STIM2: variants seen among roughly 807,000 people sequenced by gnomAD.
STIM2 encodes stromal interaction molecule 2.
In STIM2, 31 loss-of-function variants were observed where a neutral mutation model predicts 85.8. The ratio of observed to expected loss-of-function variants is 0.36; its 90% CI spans 0.27 to 0.49. The LOEUF (loss-of-function observed/expected upper bound fraction) is 0.49. Among genes scored for constraint, STIM2 ranks in the 20% least tolerant of loss-of-function variants. STIM2 has a pLI of 0.98. For missense variants in STIM2, 841 were observed against 927.6 expected, an observed-to-expected ratio of 0.91 and a Z score of 1.21; for synonymous variants, 356 against 331.1, an observed-to-expected ratio of 1.08 and a Z score of -0.82.
At chr4:26,933,353 G>A (rs1029394733) in intron 2 of STIM2, among the ~76,000 whole-genome samples, 8 of 152,146 alleles carry the variant, frequency 5.3e-5, no homozygotes, top group Non-Finnish European at 1.5e-5. Flanking sequence ...AGATATAGAA[G>A]TGAGTCTTCT....
At chr4:27,019,769 G>A (rs1259617198) in intron 11 of STIM2, among the ~76,000 whole-genome samples, 1 of 151,482 alleles carries the variant, frequency 6.6e-6, no homozygotes, top group Non-Finnish European at 1.5e-5. Flanking sequence ...CTCATTTTGA[G>A]TTTTCTTACA....
intron 11 of STIM2, chr4:27,021,526 A>G (rs745633854): frequency 2.2e-6 from 1 of 456,846 alleles, no homozygotes; most frequent in South Asian, 1.5e-5. Context: ...GGAGACAGCC[A>G]GGGACCACAT....
chr4:26,990,408 G>A (rs1727725720), intron 3 of STIM2, among the ~76,000 whole-genome samples: 1 of 152,150 alleles, frequency 6.6e-6, no homozygotes. Flanking sequence ...TCTCTATGCA[G>A]AAGAATGAAT....
Position 27,022,523 on chromosome 4 carries a change from G to T in STIM2, c.1768G>T (p.Val590Leu). ...CTTTGTTTGTGTTTCATTCAGGGAA[G>T]TGCCAGACACAGCTTCAGAATGTGA... is the stretch of plus-strand genomic sequence containing the variant. Residue 590 changes from valine to leucine, a missense_variant, in exon 12 of 12, where the codon GTG (valine) becomes TTG (leucine). Around this residue, in one of 3 missense-constraint regions of STIM2, gnomAD observed 293 missense variants for 284.5 expected, o/e 1.03. Transcript: ENST00000467087. 1 of 1,586,636 alleles carries T rather than the reference G, an allele frequency of 6.3e-7. No homozygotes were observed. Among genetic ancestry groups the T allele is most frequent in the Non-Finnish European group, 8.6e-7 (1 of 1,161,200 alleles).
intron 2 of STIM2, among the ~76,000 whole-genome samples, chr4:26,953,383 ATCT>A (rs1361416713): frequency 6.6e-6 from 1 of 152,072 alleles, no homozygotes; most frequent in Non-Finnish European, 1.5e-5. Flanking sequence ...TTTTAATTTA[ATCT>A]TTGTAACCTT....
At chr4:26,962,582 G>A (rs1253616084) in intron 3 of STIM2, among the ~76,000 whole-genome samples, 1 of 134,114 alleles carries the variant, frequency 7.5e-6, no homozygotes, top group African/African-American at 2.8e-5. Flanking sequence ...GTGTGTGTGT[G>A]TGTGTGTGTG....
Position 26,919,609 on chromosome 4 carries a change from G to C in STIM2, c.257G>C (p.Gly86Ala). ...CAAATGGATGATGACAAAGATGGTGGAATTGAAGTAGAGGAAAGTGATGAA... is the reference window on the plus strand; with the variant it reads ...CAAATGGATGATGACAAAGATGGTGCAATTGAAGTAGAGGAAAGTGATGAA... Residue 86 changes from glycine (G) to alanine (A), a missense_variant, in exon 2 of 12, where the codon GGA becomes GCA. Transcript: ENST00000467087. The C allele has an allele frequency of 6.2e-7, 1 of 1,613,604 alleles. No individual in the cohort carries two copies. The highest frequency in any genetic ancestry group is 8.5e-7 in the Non-Finnish European group (1 of 1,179,704).
intron 1 of STIM2, chr4:26,873,620 C>G: frequency 3.7e-6 from 2 of 544,544 alleles, no homozygotes; most frequent in Non-Finnish European, 6.8e-6. Context: ...GGGCTTGTTT[C>G]CTGCAGGGCA....
intron 2 of STIM2, among the ~76,000 whole-genome samples, chr4:26,932,585 G>A (rs1223447160): frequency 6.6e-6 from 1 of 152,024 alleles, no homozygotes; most frequent in Non-Finnish European, 1.5e-5. Flanking sequence ...GTATATCTTG[G>A]CTATAAATGT....
rs1013075517 is a variant in STIM2 at position 27,017,636 on chromosome 4, G to C, written c.1490-75G>C. On this transcript the variant is annotated intron_variant, in intron 10 of 11. Coordinates refer to ENST00000467087, the MANE Select transcript of STIM2 (RefSeq NM_020860.4). ...ACATATTAGTGACATCAGTTCTCTT[G>C]TGTGTATGTATTTGTGGTGACTGTA... 8 of 1,552,048 alleles carry C rather than the reference G, an allele frequency of 5.2e-6. No individual in the cohort carries two copies. The African/African-American group carries it at 1.1e-4, about 21-fold the overall frequency.
At position 26,957,640 on chromosome 4, in the gene STIM2, A is replaced by G. The variant is rs1427385290; in HGVS notation, c.311A>G (p.Asp104Gly). 2 of 1,573,046 alleles carry G rather than the reference A, an allele frequency of 1.3e-6. No homozygotes were observed. Among genetic ancestry groups the G allele is most frequent in the Non-Finnish European group, 1.7e-6 (2 of 1,163,298 alleles). The change falls in exon 3 of 12, where the codon GAT becomes GGT. Residue 104 changes from aspartate (D) to glycine (G), a missense_variant. Coordinates refer to ENST00000467087, the MANE Select transcript of STIM2 (RefSeq NM_020860.4). Reference sequence around the variant, plus strand: ...ATCAGAGAAGATATGAAATATAAAGATGCTACTAATAAACACAGCCATCTG... The same window carrying G: ...ATCAGAGAAGATATGAAATATAAAGGTGCTACTAATAAACACAGCCATCTG...
chr4:26,861,146 T>G lies in STIM2; in HGVS notation c.-73T>G. Reference sequence around the variant, plus strand: ...CGCTGCGCTTTCACCCGGCTTCTCCTCGGCGCCTTCATCCCGCCTCGACTC... The same window carrying G: ...CGCTGCGCTTTCACCCGGCTTCTCCGCGGCGCCTTCATCCCGCCTCGACTC... On this transcript the variant is annotated 5_prime_UTR_variant, in exon 1 of 12. Coordinates refer to ENST00000467087, the MANE Select transcript of STIM2 (RefSeq NM_020860.4). The G allele has an allele frequency of 7.7e-7, 1 of 1,301,250 alleles. No individual in the cohort carries two copies. Among genetic ancestry groups the G allele is most frequent in the Non-Finnish European group, 9.8e-7 (1 of 1,024,644 alleles). 80.6% of individuals were successfully genotyped at this position (1,301,250 alleles called of 1,614,324 possible). A position where few individuals can be genotyped will look rare whatever the true frequency, so the allele number is the denominator to read the frequency against.
At position 26,958,484 on chromosome 4, in the gene STIM2, G is replaced by T. The variant is rs190346543; in HGVS notation, c.397+758G>T. Among the ~76,000 whole-genome samples the T allele has an allele frequency of 1.4e-4, 21 of 152,172 alleles. No homozygotes were observed. In the East Asian group the frequency reaches 2.9e-3, roughly 21 times the overall value. On this transcript the variant is annotated intron_variant, in intron 3 of 11. Coordinates refer to ENST00000467087, the MANE Select transcript of STIM2 (RefSeq NM_020860.4). ...ACAGATTACCAATTAAGAGTGTAAA[G>T]AAATAATAAAGTTTACTTGAGTCAT...
At chr4:26,979,041 CTAAA>C in intron 3 of STIM2, among the ~76,000 whole-genome samples, 1 of 152,102 alleles carries the variant, frequency 6.6e-6, no homozygotes, top group East Asian at 1.9e-4. Context: ...GTATCACTTC[CTAAA>C]TAGAGACATT....
At chr4:26,942,561 T>G (rs897306883) in intron 2 of STIM2, among the ~76,000 whole-genome samples, 3 of 152,154 alleles carry the variant, frequency 2.0e-5, no homozygotes, top group Non-Finnish European at 2.9e-5. Flanking sequence ...CCAAAATTAT[T>G]CTTATTGTGC....
intron 1 of STIM2, among the ~76,000 whole-genome samples, chr4:26,897,729 A>G (rs1723764622): frequency 6.6e-6 from 1 of 152,186 alleles, no homozygotes; most frequent in Non-Finnish European, 1.5e-5. Context: ...ATATCATCTA[A>G]TACTTAGTCC....
At chr4:26,987,787 C>T (rs1331113059) in intron 3 of STIM2, among the ~76,000 whole-genome samples, 3 of 152,200 alleles carry the variant, frequency 2.0e-5, no homozygotes, top group Non-Finnish European at 4.4e-5. Flanking sequence ...AATGTAATTG[C>T]CTGTGGCAGA....
intron 3 of STIM2, among the ~76,000 whole-genome samples, chr4:26,992,439 G>T (rs1727800425): frequency 2.0e-5 from 3 of 152,044 alleles, no homozygotes; most frequent in Non-Finnish European, 4.4e-5. Context: ...CAGGGGCTGG[G>T]TGTGGTGTCT....
chr4:26,941,992 G>T (rs1221602066), intron 2 of STIM2, among the ~76,000 whole-genome samples: 1 of 152,094 alleles, frequency 6.6e-6, no homozygotes, highest in Admixed American at 6.5e-5. Flanking sequence ...AACCTGTTGT[G>T]TATTGTTTGG....
Sources: allele counts gnomAD v4.1 joint callset (sites outside exome capture counted in the v4.1 genomes callset), GRCh38; gene constraint gnomAD v4.1.1; regional missense constraint gnomAD v4.1.1; transcripts MANE v1.5; gene names NCBI Gene and HGNC (gene_info 2026-07-23, HGNC 2026-07-21).